Variants in TMT1A observed in about 807,000 individuals in gnomAD.
The protein encoded by TMT1A is thiol S-methyltransferase TMT1A.
chr12:50,927,274 A>G, the TMT1A span, among the ~76,000 whole-genome samples: 3 of 152,274 alleles, frequency 2.0e-5, no homozygotes, highest in African/African-American at 7.2e-5. Context: ...TGGTCTGCCC[A>G]CTTTGGCCTC....
chr12:50,929,306 C>A, the TMT1A span, among the ~76,000 whole-genome samples: 1 of 152,132 alleles, frequency 6.6e-6, no homozygotes, highest in African/African-American at 2.4e-5. Context: ...CTTACACTGA[C>A]CCATATAATT....
chr12:50,925,422 G>T, the TMT1A span: 1 of 1,614,098 alleles, frequency 6.2e-7, no homozygotes, highest in Non-Finnish European at 8.5e-7. Flanking sequence ...CTGCCGGGGA[G>T]AACATGCACC....
At chr12:50,926,596 CAGAA>C in the TMT1A span, among the ~76,000 whole-genome samples, 1 of 152,132 alleles carries the variant, frequency 6.6e-6, no homozygotes, top group Non-Finnish European at 1.5e-5. Context: ...GTGCAGCTGT[CAGAA>C]AGAACAAGAA....
the TMT1A span, chr12:50,925,217 G>A: frequency 4.3e-6 from 7 of 1,614,138 alleles, no homozygotes; most frequent in Admixed American, 5.0e-5. Context: ...GAGCTCTTCA[G>A]TAACCTGCAG....
chr12:50,925,864 C>A, the TMT1A span, among the ~76,000 whole-genome samples: 1 of 151,218 alleles, frequency 6.6e-6, no homozygotes, highest in African/African-American at 2.4e-5. Flanking sequence ...TATGGTGAAA[C>A]CCCATCTCTA....
chr12:50,929,927 A>G, the TMT1A span: 9 of 1,609,932 alleles, frequency 5.6e-6, no homozygotes, highest in South Asian at 4.4e-5. Flanking sequence ...GGGGCTTTCT[A>G]TTTCATGGAG....
At chr12:50,927,129 T>C in the TMT1A span, among the ~76,000 whole-genome samples, 24 of 152,040 alleles carry the variant, frequency 1.6e-4, 1 homozygote, top group African/African-American at 5.8e-4. Context: ...AAGCAATCTT[T>C]CCGTCTCAGC....
chr12:50,928,483 G>A, the TMT1A span, among the ~76,000 whole-genome samples: 1 of 152,202 alleles, frequency 6.6e-6, no homozygotes, highest in African/African-American at 2.4e-5. Flanking sequence ...GTAAAGGCAT[G>A]AATTCCTGGT....
the TMT1A span, chr12:50,930,166 A>G: frequency 6.4e-7 from 1 of 1,569,192 alleles, no homozygotes; most frequent in East Asian, 2.3e-5. Flanking sequence ...GCTGGCAGTT[A>G]AGAGCTGAAT....
chr12:50,928,006 G>A, the TMT1A span, among the ~76,000 whole-genome samples: 2 of 152,124 alleles, frequency 1.3e-5, no homozygotes, highest in African/African-American at 4.8e-5. Flanking sequence ...TATATTTTTA[G>A]TAGGGATGGG....
At chr12:50,926,469 C>A in the TMT1A span, among the ~76,000 whole-genome samples, 1 of 152,168 alleles carries the variant, frequency 6.6e-6, no homozygotes, top group Non-Finnish European at 1.5e-5. Context: ...CATGCAAAAA[C>A]TTGTCCATAC....
chr12:50,931,670 C>T, the TMT1A span: 1 of 137,058 alleles, frequency 7.3e-6, no homozygotes, highest in South Asian at 2.3e-4. Flanking sequence ...GAGATCATGC[C>T]ATTGTACTCT....
the TMT1A span, among the ~76,000 whole-genome samples, chr12:50,927,897 T>C: frequency 7.3e-6 from 1 of 136,526 alleles, no homozygotes; most frequent in Non-Finnish European, 1.6e-5. Flanking sequence ...TGATCTTGGC[T>C]AACTGCAGCC....
chr12:50,931,237 C>A, the TMT1A span: 2 of 151,824 alleles, frequency 1.3e-5, no homozygotes, highest in South Asian at 4.1e-4. Context: ...TTAATTTTAT[C>A]TTCTCTTTGA....
At chr12:50,929,894 T>C in the TMT1A span, 82 of 1,554,908 alleles carry the variant, frequency 5.3e-5, no homozygotes, top group Non-Finnish European at 7.1e-5. Context: ...GAAATGTTTT[T>C]TTTTTTCTTT....
At chr12:50,925,462 G>A in the TMT1A span, 2 of 1,614,236 alleles carry the variant, frequency 1.2e-6, no homozygotes, top group South Asian at 1.1e-5. Flanking sequence ...GGATGTGGTG[G>A]TCTGCACCCT....
chr12:50,931,711 CAAAAAAAAAAA>C, the TMT1A span: 1 of 43,380 alleles, frequency 2.3e-5, no homozygotes, highest in African/African-American at 8.0e-5. Flanking sequence ...GACTCCGTCT[CAAAAAAAAAAA>C]AAAAAAAAAA....
chr12:50,926,933 C>T, the TMT1A span, among the ~76,000 whole-genome samples: 7 of 152,108 alleles, frequency 4.6e-5, no homozygotes, highest in Non-Finnish European at 1.0e-4. Flanking sequence ...AGTTTAAAAT[C>T]GTTTTATATT....
the TMT1A span, chr12:50,931,024 A>G: frequency 1.3e-5 from 2 of 152,252 alleles, no homozygotes; most frequent in East Asian, 3.9e-4. Context: ...GTCGACTTTC[A>G]TAATTAGCAT....
Sources: allele counts gnomAD v4.1 joint callset (sites outside exome capture counted in the v4.1 genomes callset), GRCh38; gene constraint gnomAD v4.1.1; transcripts MANE v1.5; gene names NCBI Gene and HGNC (gene_info 2026-07-23, HGNC 2026-07-21).